The following MYBBP1A variants were observed in gnomAD, a reference collection of about 807,000 sequenced individuals.
The protein encoded by MYBBP1A is MYB binding protein 1a.
MYBBP1A carries 147 observed loss-of-function variants against 136.3 expected under a neutral mutation model. The observed-to-expected ratio is 1.08, with a 90% CI of 0.94 to 1.24. The LOEUF (loss-of-function observed/expected upper bound fraction) is 1.24, where lower values mean the gene tolerates loss of function less well. Ranked by LOEUF, MYBBP1A falls within the 50% of genes most tolerant of loss-of-function variation. MYBBP1A has a pLI of 0.00. For missense variants in MYBBP1A, 2,060 were observed against 1,727.4 expected, an observed-to-expected ratio of 1.19 and a Z score of -3.41; for synonymous variants, 947 against 735.8, an observed-to-expected ratio of 1.29 and a Z score of -4.65.
chr17:4,543,283 G>A, intron 19 of MYBBP1A, 118 bp from the exon 20 acceptor site: 2 of 1,369,934 alleles, frequency 1.5e-6, no homozygotes, highest in Non-Finnish European at 1.9e-6. Flanking sequence ...AGACGACAGA[G>A]GCGACCCAGG....
intron 19 of MYBBP1A, among the ~76,000 whole-genome samples, 155 bp downstream of exon 19, chr17:4,544,334 G>A (rs916813748): frequency 1.4e-4 from 22 of 152,350 alleles, no homozygotes; most frequent in African/African-American, 5.3e-4. Flanking sequence ...TAAGTGACGT[G>A]TGCCTCTAGG....
rs1301684258 is a variant in MYBBP1A, at chr17:4,552,273, T to C, written c.757A>G (p.Met253Val). Reference protein sequence around the residue: ...NVPRLVNVLKMAASSVKKDRK... With the variant: ...NVPRLVNVLKVAASSVKKDRK... ...TCCTTCTTCACAGAGGAGGCGGCCA[T>C]CTTCAGCACATTCACCAGCCTGCGG... Residue 253 changes from methionine (M) to valine (V), a missense_variant, in exon 7 of 26, where the codon ATG becomes GTG. Coordinates refer to ENST00000254718, the MANE Select transcript of MYBBP1A (RefSeq NM_014520.4). This position sits in a 1 kb window ranked among gnomAD's most constrained non-coding sequence, Gnocchi z 4.7. The C allele has an allele frequency of 8.1e-6, 13 of 1,613,942 alleles. No homozygotes were observed. Among genetic ancestry groups the C allele is most frequent in the Non-Finnish European group, 1.1e-5 (13 of 1,180,032 alleles).
Position 4,548,254 on chromosome 17 carries a change from C to A in MYBBP1A, c.1613G>T (p.Gly538Val). 1 of 1,612,244 alleles carries A rather than the reference C, an allele frequency of 6.2e-7. No homozygotes were observed. Among genetic ancestry groups the A allele is most frequent in the Non-Finnish European group, 8.5e-7 (1 of 1,179,994 alleles). Residue 538 changes from glycine (G) to valine (V), a missense_variant, in exon 12 of 26, where the codon GGG becomes GTG. Coordinates refer to ENST00000254718, the MANE Select transcript of MYBBP1A (RefSeq NM_014520.4). This position sits in a 1 kb window ranked among gnomAD's most constrained non-coding sequence, Gnocchi z 4.2. ...CACCAGGTGGTAGGTCCAGGGCTGC[C>A]CACCCTGGGTCTGGCCCGGTGCCTG... Reference protein sequence around the residue: ...FKQAPGQTQGGQPWTYHLVQF... With the variant: ...FKQAPGQTQGVQPWTYHLVQF...
At chr17:4,540,158 C>CCCCTGGG (rs1278811291) in intron 25 of MYBBP1A, among the ~76,000 whole-genome samples, 190 bp downstream of exon 25, 6 of 124,978 alleles carry the variant, frequency 4.8e-5, no homozygotes, top group Non-Finnish European at 7.8e-5. Flanking sequence ...TCCTGCGAGG[C>CCCCTGGG]TCCTGCGAGG....
In MYBBP1A at chr17:4,540,418, CCTGCTGTAGGCT is replaced by C; in HGVS notation, c.3352_3363del (p.Ser1118_Gln1121del). 6.2e-7 allele frequency: 1 copy of C among 1,611,070 alleles called. No individual in the cohort carries two copies. Among genetic ancestry groups the C allele is most frequent in the Non-Finnish European group, 8.5e-7 (1 of 1,179,804 alleles). On this transcript the variant is annotated inframe_deletion, in exon 25 of 26. Transcript: ENST00000254718. ...CGGCTGGAGCCGGTGGAGTGTGCCC[CCTGCTGTAGGCT>C]CTGCTGTTGCCCCTGCAGCACACCC...
chr17:4,554,849 G>A lies in MYBBP1A; in HGVS notation c.294+12C>T, dbSNP rs748875617. On this transcript the variant is annotated intron_variant, in intron 2 of 25. Transcript: ENST00000254718. ...CTGGATGGCTGGGACCCTGCCAGGA[G>A]CACCACCTCACCTGTGCCAGGGCCA... is the stretch of plus-strand genomic sequence containing the variant. 5 of 1,612,710 alleles carry A rather than the reference G, an allele frequency of 3.1e-6. No homozygotes were observed. The African/African-American group carries it at 6.7e-5, about 22-fold the overall frequency.
intron 19 of MYBBP1A, chr17:4,543,392 C>A: frequency 1.7e-6 from 1 of 577,030 alleles, no homozygotes. Flanking sequence ...AACAGAACAG[C>A]TCCCTGAGTG....
Position 4,539,909 on chromosome 17 carries a change from T to TGGGGCTCTGG in MYBBP1A, c.3483_3492dup (p.Ile1165ProfsTer6), listed in dbSNP as rs1906205547. The TGGGGCTCTGG allele has an allele frequency of 6.2e-7, 1 of 1,600,430 alleles. No individual in the cohort carries two copies. The highest frequency in any genetic ancestry group is 1.1e-5 in the South Asian group (1 of 91,080). On this transcript the variant is annotated frameshift_variant, in exon 26 of 26. Transcript: ENST00000254718. LOFTEE classifies it low-confidence loss of function (END_TRUNC). ...CCCTTTTTCTTCCGCTTCTTACTGA[T>TGGGGCTCTGG]GGGGCTCTGGGTGGCACTGGGGATC... is the stretch of plus-strand genomic sequence containing the variant.
chr17:4,552,184 T>C lies in MYBBP1A; in HGVS notation c.846A>G (p.Pro282=). Residue 282 remains proline, a synonymous_variant, in exon 7 of 26, where the codon CCA becomes CCG. Coordinates refer to ENST00000254718, the MANE Select transcript of MYBBP1A (RefSeq NM_014520.4). The surrounding 1 kb of genome is among the most constrained non-coding windows in gnomAD (Gnocchi z 4.7). ...LRLALKEDKF[P]RFWKEVVEQG... ...GTTCCACCACCTCCTTCCAGAACCGTGGGAACTTGTCTTCCTTGAGTGCCA... is the reference window on the plus strand; with the variant it reads ...GTTCCACCACCTCCTTCCAGAACCGCGGGAACTTGTCTTCCTTGAGTGCCA... 6.2e-7 allele frequency: 1 copy of C among 1,614,206 alleles called. No individual in the cohort carries two copies. The highest frequency in any genetic ancestry group is 8.5e-7 in the Non-Finnish European group (1 of 1,180,040).
At position 4,540,328 on chromosome 17, in the gene MYBBP1A, GT is replaced by G; in HGVS notation, c.3434+19del. The G allele has an allele frequency of 6.3e-7, 1 of 1,587,066 alleles. No homozygotes were observed. Among genetic ancestry groups the G allele is most frequent in the South Asian group, 1.1e-5 (1 of 89,068 alleles). ...TTCCCAGCCCCTACCCAAGGTGTGT[GT>G]CCCCCTCCCAGAACCTACTGGACTC... On this transcript the variant is annotated intron_variant, in intron 25 of 25. Coordinates refer to ENST00000254718, the MANE Select transcript of MYBBP1A (RefSeq NM_014520.4).
At chr17:4,542,045 C>A in intron 22 of MYBBP1A, 154 bp from the exon 23 acceptor site, 1 of 626,146 alleles carries the variant, frequency 1.6e-6, no homozygotes, top group Non-Finnish European at 2.8e-6. Flanking sequence ...TGCTCCTGTG[C>A]CTTTGTGTGC....
chr17:4,540,157 G>A (rs1567602149), intron 25 of MYBBP1A, among the ~76,000 whole-genome samples, 190 bp from the exon 26 acceptor site: 1 of 73,816 alleles, frequency 1.4e-5, no homozygotes, highest in African/African-American at 8.8e-5. Context: ...GTCCTGCGAG[G>A]CTCCTGCGAG....
At position 4,539,416 on chromosome 17, in the gene MYBBP1A, C is replaced by T. The variant is rs1156678641; in HGVS notation, c.3986G>A (p.Ter1329=). The change falls in exon 26 of 26, where the codon TGA becomes TAA. Residue 1329 remains the stop codon, a stop_retained_variant. Transcript: ENST00000254718. ...GCTGAGGGGGGCCCGTACCTGTGCT[C>T]AGGGCTTCCCTGCCTTCCTCACCTG... ...KAQVRKAGKP[*] 5.0e-6 allele frequency: 8 copies of T among 1,607,920 alleles called. No individual in the cohort carries two copies. Among genetic ancestry groups the T allele is most frequent in the Non-Finnish European group, 6.8e-6 (8 of 1,175,466 alleles).
chr17:4,555,307 G>A lies in MYBBP1A; in HGVS notation c.18C>T (p.Pro6=), dbSNP rs1372665148. 4 of 1,600,050 alleles carry A rather than the reference G, an allele frequency of 2.5e-6. No individual in the cohort carries two copies. The highest frequency in any genetic ancestry group is 3.4e-6 in the Non-Finnish European group (4 of 1,174,564). ...CTTCTCCAGGCGACATCGGCTGGGC[G>A]GGATCCCGGCTCTCCATCTCCGCCA... is the stretch of plus-strand genomic sequence containing the variant. MESRD[P]AQPMSPGEAT... is the part of the protein sequence containing the mutation. Residue 6 remains proline, a synonymous_variant, in exon 1 of 26, where the codon CCC becomes CCT. Transcript: ENST00000254718.
At position 4,544,792 on chromosome 17, in the gene MYBBP1A, G is replaced by T; in HGVS notation, c.2440C>A (p.Leu814Met). 6.3e-7 allele frequency: 1 copy of T among 1,598,384 alleles called. No homozygotes were observed. Among genetic ancestry groups the T allele is most frequent in the South Asian group, 1.1e-5 (1 of 88,614 alleles). The change falls in exon 18 of 26, where the codon CTG (leucine) becomes ATG (methionine). Residue 814 changes from leucine (L) to methionine (M), a missense_variant. By Grantham distance (15) the Leu-to-Met change is conservative (BLOSUM62 2). Coordinates refer to ENST00000254718, the MANE Select transcript of MYBBP1A (RefSeq NM_014520.4). ...IQARRDEKNK[L>M]QKEKALRRDF... ...CGCCGCAGAGCCTTCTCCTTCTGCA[G>T]CTTGTTCTTCTCGTCTCGCCGGGCC...
intron 16 of MYBBP1A, 38 bp downstream of exon 16, chr17:4,545,221 A>G: frequency 6.3e-7 from 1 of 1,599,004 alleles, no homozygotes; most frequent in Non-Finnish European, 8.5e-7. Context: ...CGATCGTCCC[A>G]CTCCCCACCG....
Position 4,548,511 on chromosome 17 carries a change from G to A in MYBBP1A, c.1556+13C>T, listed in dbSNP as rs1907206571. The A allele has an allele frequency of 6.2e-7, 1 of 1,613,732 alleles. No homozygotes were observed. Among genetic ancestry groups the A allele is most frequent in the Admixed American group, 1.7e-5 (1 of 60,016 alleles). On this transcript the variant is annotated intron_variant, in intron 11 of 25. Coordinates refer to ENST00000254718, the MANE Select transcript of MYBBP1A (RefSeq NM_014520.4). This position sits in a 1 kb window ranked among gnomAD's most constrained non-coding sequence, Gnocchi z 4.2. ...CCCACCTTCGGACCTCTCCTGGGCT[G>A]CCCAAGACTCACCTGAAGAAGGCAC...
At position 4,551,989 on chromosome 17, in the gene MYBBP1A, C is replaced by T; in HGVS notation, c.914G>A (p.Cys305Tyr). The T allele has an allele frequency of 1.9e-6, 3 of 1,608,896 alleles. No homozygotes were observed. Among genetic ancestry groups the T allele is most frequent in the Non-Finnish European group, 2.6e-6 (3 of 1,176,330 alleles). ...KMQFWPASYL[C>Y]FRLLGAALPL... Reference sequence around the variant, plus strand: ...CAGGGCCGCGCCCAGCAGGCGGAAACACAGGTAGCTAAAGGGGGTGCAGGA... The same window carrying T: ...CAGGGCCGCGCCCAGCAGGCGGAAATACAGGTAGCTAAAGGGGGTGCAGGA... Residue 305 changes from cysteine to tyrosine, a missense_variant, in exon 8 of 26, where the codon TGT becomes TAT. By Grantham distance (194) the Cys-to-Tyr change is radical. Transcript: ENST00000254718.
In MYBBP1A at chr17:4,548,992, A is replaced by G. The variant is rs1388553034; in HGVS notation, c.1430+340T>C. Among the ~76,000 whole-genome samples the G allele has an allele frequency of 2.0e-5, 3 of 152,234 alleles. No individual in the cohort carries two copies. Among genetic ancestry groups the G allele is most frequent in the African/African-American group, 7.2e-5 (3 of 41,464 alleles). On this transcript the variant is annotated intron_variant, in intron 10 of 25. Coordinates refer to ENST00000254718, the MANE Select transcript of MYBBP1A (RefSeq NM_014520.4). The surrounding 1 kb of genome is among the most constrained non-coding windows in gnomAD (Gnocchi z 4.2). Reference sequence around the variant, plus strand: ...GAACATGGGACAGCCCCCTCTTGCAACCGTGCATGTTGAGGGTGACGTGAG... The same window carrying G: ...GAACATGGGACAGCCCCCTCTTGCAGCCGTGCATGTTGAGGGTGACGTGAG...
Sources: allele counts gnomAD v4.1 joint callset (sites outside exome capture counted in the v4.1 genomes callset), GRCh38; gene constraint gnomAD v4.1.1; non-coding constraint Gnocchi (gnomAD v3.1); transcripts MANE v1.5; gene names NCBI Gene and HGNC (gene_info 2026-07-23, HGNC 2026-07-21).